NEDD4L: variants seen among roughly 807,000 people sequenced by gnomAD.
NEDD4L encodes the protein NEDD4 like E3 ubiquitin protein ligase.
A neutral mutation model predicts 148.9 loss-of-function variants in NEDD4L; 54 were observed. That is an observed-to-expected ratio of 0.36 (90% CI 0.29 to 0.45). NEDD4L has a LOEUF of 0.45. Among genes scored for constraint, NEDD4L ranks in the 20% least tolerant of loss-of-function variants. NEDD4L has a pLI of 1.00. For synonymous variants in NEDD4L, 433 were observed against 440.7 expected (o/e 0.98, Z 0.22); for missense variants, 856 against 1,233.8 (o/e 0.69, Z 4.59).
At chr18:58,368,870 C>T (rs1050807352) in intron 22 of NEDD4L, among the ~76,000 whole-genome samples, 1 of 152,216 alleles carries the variant, frequency 6.6e-6, no homozygotes, top group Non-Finnish European at 1.5e-5. Context: ...GCTTTGGAGT[C>T]ATGCCATAGA....
Position 58,325,089 on chromosome 18 carries a change from G to A in NEDD4L, c.607G>A (p.Val203Met). 6.2e-7 allele frequency: 1 copy of A among 1,614,058 alleles called. No individual in the cohort carries two copies. The highest frequency in any genetic ancestry group is 8.5e-7 in the Non-Finnish European group (1 of 1,179,892). Reference protein sequence around the residue: ...PPLPPGWEEKVDNLGRTYYVN... With the variant: ...PPLPPGWEEKMDNLGRTYYVN... The stretch of plus-strand genomic sequence containing the variant: ...TCTGCCTCCCGGGTGGGAAGAAAAA[G>A]TGGACAATTTAGGCCGAACTTACTA... The change falls in exon 9 of 31, where the codon GTG becomes ATG. Residue 203 changes from valine to methionine, a missense_variant. Physicochemically the swap from Val to Met is conservative, Grantham distance 21. Coordinates refer to ENST00000400345, the MANE Select transcript of NEDD4L (RefSeq NM_001144967.3).
chr18:58,249,813 C>T (rs1391902175), intron 4 of NEDD4L, among the ~76,000 whole-genome samples: 8 of 152,198 alleles, frequency 5.3e-5, no homozygotes, highest in Non-Finnish European at 8.8e-5. Context: ...CTACATACAG[C>T]ATCTGCTTTC....
chr18:58,376,745 G>T (rs2047611676), intron 24 of NEDD4L, among the ~76,000 whole-genome samples: 1 of 152,172 alleles, frequency 6.6e-6, no homozygotes, highest in Admixed American at 6.5e-5. Context: ...ACCTTCAGGG[G>T]TCTCCCCTGC....
At chr18:58,148,757 A>G (rs1050420919) in intron 1 of NEDD4L, among the ~76,000 whole-genome samples, 2 of 152,238 alleles carry the variant, frequency 1.3e-5, no homozygotes, top group African/African-American at 2.4e-5. Context: ...CTAGAGCCTC[A>G]ACATGGAAGT....
In NEDD4L at chr18:58,383,287, G is replaced by A; in HGVS notation, c.2394G>A (p.Met798Ile). ...VDLKPNGSEI[M>I]VTNENKREYI... ...TGAAGCCCAATGGGTCAGAAATAAT[G>A]GTCACAAATGAAAACAAAAGGGAAT... The change falls in exon 25 of 31, where the codon ATG becomes ATA. Residue 798 changes from methionine (M) to isoleucine (I), a missense_variant. Physicochemically the swap from Met to Ile is conservative, Grantham distance 10. Around this residue, in one of 4 missense-constraint regions of NEDD4L, gnomAD observed 286 missense variants for 531.8 expected, o/e 0.54. Transcript: ENST00000400345. The A allele has an allele frequency of 6.5e-7, 1 of 1,542,212 alleles. No individual in the cohort carries two copies. Among genetic ancestry groups the A allele is most frequent in the Non-Finnish European group, 8.8e-7 (1 of 1,137,392 alleles).
intron 2 of NEDD4L, among the ~76,000 whole-genome samples, chr18:58,178,157 T>C (rs2038396592): frequency 6.6e-6 from 1 of 152,162 alleles, no homozygotes; most frequent in Admixed American, 6.5e-5. Context: ...ACATATATAT[T>C]TAGAACTGGG....
At chr18:58,064,832 C>T (rs949472554) in intron 1 of NEDD4L, among the ~76,000 whole-genome samples, 4 of 152,122 alleles carry the variant, frequency 2.6e-5, no homozygotes, top group South Asian at 4.1e-4. Context: ...TCTGGCCAGG[C>T]GTGATGACTC....
At chr18:58,264,268 A>C (rs76645296) in intron 5 of NEDD4L, among the ~76,000 whole-genome samples, 3 of 152,078 alleles carry the variant, frequency 2.0e-5, no homozygotes, top group Non-Finnish European at 2.9e-5. Flanking sequence ...CAGCAATGCT[A>C]AGGACACAGT....
intron 1 of NEDD4L, among the ~76,000 whole-genome samples, chr18:58,126,494 A>G (rs1233933650): frequency 6.6e-6 from 1 of 152,124 alleles, no homozygotes; most frequent in African/African-American, 2.4e-5. Flanking sequence ...ATAATAGCCC[A>G]TTGTATGGAT....
chr18:58,220,633 C>T (rs536344203), intron 2 of NEDD4L, among the ~76,000 whole-genome samples: 1 of 152,290 alleles, frequency 6.6e-6, no homozygotes, highest in African/African-American at 2.4e-5. Context: ...AGGAACACTT[C>T]GCGAGTGAGC....
chr18:58,354,943 G>A (rs779823146), intron 18 of NEDD4L, among the ~76,000 whole-genome samples: 1 of 152,186 alleles, frequency 6.6e-6, no homozygotes, highest in Non-Finnish European at 1.5e-5. Context: ...GTGTGAATAT[G>A]TGCAGATGCT....
intron 2 of NEDD4L, among the ~76,000 whole-genome samples, chr18:58,238,037 C>T (rs2046229089): frequency 6.6e-6 from 1 of 152,218 alleles, no homozygotes; most frequent in Admixed American, 6.5e-5. Context: ...GAGACTATGC[C>T]TAAGCAATAA....
Position 58,304,624 on chromosome 18 carries a change from G to C in NEDD4L, c.298-11358G>C, listed in dbSNP as rs150576934. Among the ~76,000 whole-genome samples, 56 of 152,312 alleles carry C rather than the reference G, an allele frequency of 3.7e-4. No individual in the cohort carries two copies. In the East Asian group the frequency reaches 0.01, roughly 28 times the overall value. On this transcript the variant is annotated intron_variant, in intron 5 of 30. Coordinates refer to ENST00000400345, the MANE Select transcript of NEDD4L (RefSeq NM_001144967.3). ...CTCACTTTGGATGAGATTGGCCTTT[G>C]GTGATTGAGAAACCTTCCTTTGGTT...
intron 2 of NEDD4L, among the ~76,000 whole-genome samples, chr18:58,223,055 AC>A (rs1219113004): frequency 1.3e-5 from 2 of 150,556 alleles, no homozygotes; most frequent in Non-Finnish European, 3.0e-5. Flanking sequence ...TTTTTTTTAA[AC>A]CTTTTTTAAT....
At position 58,256,200 on chromosome 18, in the gene NEDD4L, C is replaced by T; in HGVS notation, c.297+4146C>T. 2.5e-6 allele frequency: 3 copies of T among 1,218,820 alleles called. No individual in the cohort carries two copies. Among genetic ancestry groups the T allele is most frequent in the Non-Finnish European group, 1.0e-6 (1 of 979,780 alleles). 75.5% of individuals were successfully genotyped at this position (1,218,820 alleles called of 1,614,324 possible). A position where few individuals can be genotyped will look rare whatever the true frequency, so the allele number is the denominator to read the frequency against. On this transcript the variant is annotated intron_variant, in intron 5 of 30. Transcript: ENST00000400345. This position sits in a 1 kb window ranked among gnomAD's most constrained non-coding sequence, Gnocchi z 5.2. ...CCCGTGGACTGCGCGGAGGAGGCTG[C>T]CCCGGGCCTGCGCATCCAGCACCGC...
intron 2 of NEDD4L, among the ~76,000 whole-genome samples, chr18:58,180,255 G>A (rs904316332): frequency 6.6e-6 from 1 of 152,126 alleles, no homozygotes; most frequent in Non-Finnish European, 1.5e-5. Flanking sequence ...CTCCCTCTTT[G>A]CACAAGTGCC....
chr18:58,197,570 A>G (rs1264972533), intron 2 of NEDD4L, among the ~76,000 whole-genome samples: 1 of 152,140 alleles, frequency 6.6e-6, no homozygotes, highest in Non-Finnish European at 1.5e-5. Context: ...CAAGGGACCC[A>G]AGTACCTGGT....
rs180919348 is a variant in NEDD4L, at chr18:58,324,953, G to A, written c.514-43G>A. ...CTGTGATGACCTCTTACTCACAGCC[G>A]AAGAACCAACCTCATAATCGTCCCT... On this transcript the variant is annotated intron_variant, in intron 8 of 30. Transcript: ENST00000400345. 3.5e-4 allele frequency: 552 copies of A among 1,576,794 alleles called. 1 individual carries two copies. The highest frequency in any genetic ancestry group is 4.1e-4 in the Non-Finnish European group (476 of 1,157,812).
chr18:58,075,948 T>A (rs989001254), intron 1 of NEDD4L, among the ~76,000 whole-genome samples: 1 of 152,182 alleles, frequency 6.6e-6, no homozygotes, highest in Non-Finnish European at 1.5e-5. Context: ...GGAGATCATG[T>A]TATTTTCTTA....
Sources: allele counts gnomAD v4.1 joint callset (sites outside exome capture counted in the v4.1 genomes callset), GRCh38; gene constraint gnomAD v4.1.1; regional missense constraint gnomAD v4.1.1; non-coding constraint Gnocchi (gnomAD v3.1); transcripts MANE v1.5; gene names NCBI Gene and HGNC (gene_info 2026-07-23, HGNC 2026-07-21).